The following RPUSD4 variants were observed in gnomAD, a reference collection of about 807,000 sequenced individuals.
The protein encoded by RPUSD4 is RNA pseudouridine synthase D4, also known as pseudouridylate synthase RPUSD4, mitochondrial.
A neutral mutation model predicts 35.4 loss-of-function variants in RPUSD4; 37 were observed. That is an observed-to-expected ratio of 1.04 (90% confidence interval 0.80 to 1.37). The LOEUF is 1.37. Ranked by LOEUF, RPUSD4 falls within the 40% of genes most tolerant of loss-of-function variation. RPUSD4 has a pLI of 0.00. For synonymous variants in RPUSD4, 210 were observed against 192.7 expected (o/e 1.09, Z -0.74); for missense variants, 507 against 484.9 (o/e 1.05, Z -0.43).
In RPUSD4 at chr11:126,211,041, A is replaced by G. The variant is rs1182827184; in HGVS notation, c.204T>C (p.Ala68=). Residue 68 remains alanine, a synonymous_variant, in exon 2 of 7, where the codon GCT becomes GCC. Transcript: ENST00000298317. ...DTKKEPVSTN[A]VQRRVQEIVR... ...CTATTTCTTGCACTCTCCGCTGAACAGCGTTTGTGGACACCTAGGGAGAAA... is the reference window on the plus strand; with the variant it reads ...CTATTTCTTGCACTCTCCGCTGAACGGCGTTTGTGGACACCTAGGGAGAAA... 1 of 1,613,596 alleles carries G rather than the reference A, an allele frequency of 6.2e-7. No individual in the cohort carries two copies. Among genetic ancestry groups the G allele is most frequent in the East Asian group, 2.2e-5 (1 of 44,876 alleles).
chr11:126,209,722 C>A lies in RPUSD4; in HGVS notation c.356G>T (p.Gly119Val), dbSNP rs1385634123. Residue 119 changes from glycine (G) to valine (V), a missense_variant and splice_region_variant, in exon 3 of 7, where the codon GGT becomes GTT. By Grantham distance (109) the Gly-to-Val change is moderately radical. Transcript: ENST00000298317. Reference sequence around the variant, plus strand: ...GATGCAGAGCTGGACCCCAGGGCCACCTAAGAAGGAAAAAGCCAAAGGTTT... The same window carrying A: ...GATGCAGAGCTGGACCCCAGGGCCAACTAAGAAGGAAAAAGCCAAAGGTTT... Reference protein sequence around the residue: ...INKPYGLPVHGGPGVQLCITD... With the variant: ...INKPYGLPVHVGPGVQLCITD... The A allele has an allele frequency of 4.3e-6, 7 of 1,611,360 alleles. No homozygotes were observed. The South Asian group carries it at 6.6e-5, about 15-fold the overall frequency.
rs370074070 is a variant in RPUSD4, at chr11:126,203,625, C to T, written c.927G>A (p.Gly309=). 1 of 1,613,642 alleles carries T rather than the reference C, an allele frequency of 6.2e-7. No homozygotes were observed. Among genetic ancestry groups the T allele is most frequent in the Non-Finnish European group, 8.5e-7 (1 of 1,179,600 alleles). ...TGTAGCGGGCCTTCGACTGTTCTAG[C>T]CCCAGCTTCTTCAGGGTGCCCACAG... is the stretch of plus-strand genomic sequence containing the variant. The part of the protein sequence containing the change: ...KLSVGTLKKL[G]LEQSKARYIP... Residue 309 remains glycine (G), a synonymous_variant, in exon 7 of 7, where the codon GGG becomes GGA. Coordinates refer to ENST00000298317, the MANE Select transcript of RPUSD4 (RefSeq NM_032795.3).
At chr11:126,204,743 A>T (rs1482092763) in intron 5 of RPUSD4, among the ~76,000 whole-genome samples, 1 of 152,226 alleles carries the variant, frequency 6.6e-6, no homozygotes, top group South Asian at 2.1e-4. Flanking sequence ...CATTAGGTGT[A>T]TTCACACTGT....
Position 126,211,591 on chromosome 11 carries a change from G to A in RPUSD4, c.48C>T (p.Asn16=), listed in dbSNP as rs141244684. 6.8e-6 allele frequency: 11 copies of A among 1,613,972 alleles called. No homozygotes were observed. The African/African-American group carries it at 1.3e-4, about 20-fold the overall frequency. The change falls in exon 1 of 7, where the codon AAC becomes AAT. Residue 16 remains asparagine, a synonymous_variant. Transcript: ENST00000298317. ...TGAAGAGACTCCCGCAACCTTGGCCGTTTCCCCGGATCCAGGGGCCCGACG... is the reference window on the plus strand; with the variant it reads ...TGAAGAGACTCCCGCAACCTTGGCCATTTCCCCGGATCCAGGGGCCCGACG... ...WSASGPWIRG[N]GQGCGSLFTL...
At position 126,209,635 on chromosome 11, in the gene RPUSD4, A is replaced by C; in HGVS notation, c.443T>G (p.Leu148Arg). Reference sequence around the variant, plus strand: ...GGTTTCCTTGTCCAGCCGGTGGCACAGATGCAAGGGCTCTGCCTTGTGGCC... The same window carrying C: ...GGTTTCCTTGTCCAGCCGGTGGCACCGATGCAAGGGCTCTGCCTTGTGGCC... ...LHGHKAEPLH[L>R]CHRLDKETTG... Residue 148 changes from leucine to arginine, a missense_variant, in exon 3 of 7, where the codon CTG becomes CGG. By Grantham distance (102) the Leu-to-Arg change is moderately radical. Transcript: ENST00000298317. 1 of 1,614,242 alleles carries C rather than the reference A, an allele frequency of 6.2e-7. No homozygotes were observed. The highest frequency in any genetic ancestry group is 1.1e-5 in the South Asian group (1 of 91,088).
At chr11:126,210,791 T>G (rs1949848376) in intron 2 of RPUSD4, 99 bp downstream of exon 2, 1 of 1,206,072 alleles carries the variant, frequency 8.3e-7, no homozygotes, top group African/African-American at 1.5e-5. Flanking sequence ...TTAATTTGAA[T>G]GCAAGGCTTT....
chr11:126,205,651 A>G, intron 4 of RPUSD4, 37 bp downstream of exon 4: 3 of 1,613,580 alleles, frequency 1.9e-6, no homozygotes, highest in South Asian at 1.1e-5. Context: ...CCCAAGGAAG[A>G]GCAGCAACCC....
chr11:126,203,811 C>G lies in RPUSD4; in HGVS notation c.895-154G>C, dbSNP rs112023448. 7.4e-3 allele frequency among the ~76,000 whole-genome samples: 1,120 copies of G among 152,214 alleles called. 10 individuals carry two copies. The highest frequency in any genetic ancestry group is 0.026 in the African/African-American group (1,069 of 41,520). On this transcript the variant is annotated intron_variant, in intron 6 of 6. Transcript: ENST00000298317. ...TCTGCTTCAGTGGCATGTCTAAGAA[C>G]GGCTCAGAACTCAGGTAAGGGAAAA...
rs765330716 is a variant in RPUSD4, at chr11:126,205,535, A to T, written c.729T>A (p.Ala243=). 6.2e-7 allele frequency: 1 copy of T among 1,614,278 alleles called. No individual in the cohort carries two copies. Among genetic ancestry groups the T allele is most frequent in the South Asian group, 1.1e-5 (1 of 91,090 alleles). Residue 243 remains alanine, a synonymous_variant, in exon 5 of 7, where the codon GCT becomes GCA. Transcript: ENST00000298317. ...TGCTGAGCACCTGGTACTGAGTTAC[A>T]GCAACTTGCGCATTCCGGCTGCGCC... ...KVRRSRNAQV[A]VTQYQVLSST...
chr11:126,210,745 G>GTTGCTGT, intron 2 of RPUSD4, 145 bp downstream of exon 2: 1 of 721,742 alleles, frequency 1.4e-6, no homozygotes, highest in South Asian at 2.0e-5. Flanking sequence ...GTTCTCGGTG[G>GTTGCTGT]TTCCTTATAT....
At chr11:126,203,825 G>A (rs571672161) in intron 6 of RPUSD4, among the ~76,000 whole-genome samples, 168 bp from the exon 7 acceptor site, 1 of 152,262 alleles carries the variant, frequency 6.6e-6, no homozygotes, top group South Asian at 2.1e-4. Flanking sequence ...TCAGAACTCA[G>A]GTAAGGGAAA....
rs774169089 is a variant in RPUSD4 at position 126,202,192 on chromosome 11, T to G, written c.*1226A>C. 1 of 152,194 alleles carries G rather than the reference T, an allele frequency of 6.6e-6. No individual in the cohort carries two copies. The highest frequency in any genetic ancestry group is 2.4e-5 in the African/African-American group (1 of 41,434). 9.4% of individuals were successfully genotyped at this position (152,194 alleles called of 1,614,324 possible). On this transcript the variant is annotated 3_prime_UTR_variant, in exon 7 of 7. Coordinates refer to ENST00000298317, the MANE Select transcript of RPUSD4 (RefSeq NM_032795.3). ...GCATCATCTATACAGAGGGAACATA[T>G]AAAGACTGTCCCGGGGTGTACCCCC...
At chr11:126,208,687 A>G (rs913367756) in intron 3 of RPUSD4, 1 of 152,276 alleles carries the variant, frequency 6.6e-6, no homozygotes, top group African/African-American at 2.4e-5. Flanking sequence ...ATATGTACAC[A>G]TGCATATACT....
At chr11:126,211,424 G>A in intron 1 of RPUSD4, 26 bp downstream of exon 1, 1 of 1,593,422 alleles carries the variant, frequency 6.3e-7, no homozygotes, top group Non-Finnish European at 8.5e-7. Context: ...ACTGCCTCTA[G>A]GGAGTTCTGG....
rs200331704 is a variant in RPUSD4, at chr11:126,203,513, G to A, written c.1039C>T (p.Arg347Cys). 63 of 1,614,068 alleles carry A rather than the reference G, an allele frequency of 3.9e-5. 1 individual carries two copies. The highest frequency in any genetic ancestry group is 4.6e-5 in the Non-Finnish European group (54 of 1,180,044). ...EELNLVCKLP[R>C]FFVHSLHRLR... is the part of the protein sequence containing the mutation. ...CGGTGCAGGGAATGCACAAAGAAGC[G>A]AGGAAGTTTGCAGACCAAGTTGAGT... Residue 347 changes from arginine (R) to cysteine (C), a missense_variant, in exon 7 of 7, where the codon CGC (arginine) becomes TGC (cysteine). Coordinates refer to ENST00000298317, the MANE Select transcript of RPUSD4 (RefSeq NM_032795.3).
At position 126,210,945 on chromosome 11, in the gene RPUSD4, G is replaced by A. The variant is rs1341176729; in HGVS notation, c.300C>T (p.Leu100=). 1.2e-6 allele frequency: 2 copies of A among 1,614,108 alleles called. No homozygotes were observed. Among genetic ancestry groups the A allele is most frequent in the South Asian group, 1.1e-5 (1 of 91,080 alleles). ...TGACCACAAGGTTCTTGTCCTGGTG[G>A]AGAATTCCTCGGGTCAGTGCCTTAG... The part of the protein sequence containing the change: ...VLAKALTRGI[L]HQDKNLVVIN... The change falls in exon 2 of 7, where the codon CTC becomes CTT. Residue 100 remains leucine (L), a synonymous_variant. Coordinates refer to ENST00000298317, the MANE Select transcript of RPUSD4 (RefSeq NM_032795.3).
rs995345350 is a variant in RPUSD4 at position 126,204,161 on chromosome 11, A to G, written c.894+70T>C. 2.9e-6 allele frequency: 3 copies of G among 1,032,366 alleles called. No homozygotes were observed. The Admixed American group carries it at 5.9e-5, about 20-fold the overall frequency. 64.0% of individuals were successfully genotyped at this position (1,032,366 alleles called of 1,614,324 possible). A position where few individuals can be genotyped will look rare whatever the true frequency, so the allele number is the denominator to read the frequency against. ...AGTAGGCTTTGTTGTAACTCATTTC[A>G]GAGTTTTAAGAAAAGGAACGCCTAA... On this transcript the variant is annotated intron_variant, in intron 6 of 6. Coordinates refer to ENST00000298317, the MANE Select transcript of RPUSD4 (RefSeq NM_032795.3).
At position 126,203,189 on chromosome 11, in the gene RPUSD4, C is replaced by T. The variant is rs541564958; in HGVS notation, c.*229G>A. On this transcript the variant is annotated 3_prime_UTR_variant, in exon 7 of 7. Transcript: ENST00000298317. ...GGGAGACTTCCAGCAGGCTTTTCCA[C>T]AGTGCAGCCAAACTATCAGTAAATA... 91 of 543,024 alleles carry T rather than the reference C, an allele frequency of 1.7e-4. 1 individual carries two copies. The highest frequency in any genetic ancestry group is 1.6e-3 in the African/African-American group (87 of 53,002). 33.6% of individuals were successfully genotyped at this position (543,024 alleles called of 1,614,324 possible). A position where few individuals can be genotyped will look rare whatever the true frequency, so the allele number is the denominator to read the frequency against.
chr11:126,204,110 G>A, intron 6 of RPUSD4, 121 bp downstream of exon 6: 2 of 765,594 alleles, frequency 2.6e-6, no homozygotes, highest in Non-Finnish European at 4.5e-6. Context: ...AAGATAATGA[G>A]CTTGGTATCA....
Sources: gnomAD v4.1 joint callset for allele counts (sites outside exome capture counted in the v4.1 genomes callset) on GRCh38, gnomAD v4.1.1 for gene constraint, MANE v1.5 for transcripts, NCBI Gene and HGNC (gene_info 2026-07-23, HGNC 2026-07-21) for gene names.